MED14: variants seen among roughly 807,000 people sequenced by gnomAD.
MED14 encodes mediator of RNA polymerase II transcription subunit 14.
A neutral mutation model predicts 109.0 loss-of-function variants in MED14; 8 were observed. The ratio of observed to expected loss-of-function variants is 0.07; its 90% CI spans 0.04 to 0.13. The LOEUF (loss-of-function observed/expected upper bound fraction) is 0.13. Ranked by LOEUF, MED14 falls within the 10% of genes least tolerant of loss-of-function variation. The pLI, the probability that MED14 is intolerant of heterozygous loss-of-function variation, is 1.00. For synonymous variants in MED14, 399 were observed against 408.7 expected (o/e 0.98, Z 0.29); for missense variants, 711 against 1,142.4 (o/e 0.62, Z 5.44).
chrX:40,727,815 A>G (rs1485564264), intron 2 of MED14, among the ~76,000 whole-genome samples: 8 of 111,402 alleles, frequency 7.2e-5, no homozygotes, highest in African/African-American at 2.3e-4. Context: ...CATCTTGCCA[A>G]TACCACCACC....
upstream of MED14, chrX:40,735,826 G>C: frequency 6.2e-6 from 2 of 322,197 alleles, no homozygotes; most frequent in Non-Finnish European, 1.2e-5. Flanking sequence ...TAGCACCGCA[G>C]CGCTGGGGGG....
At chrX:40,669,168 G>A (rs1929631469) in intron 23 of MED14, among the ~76,000 whole-genome samples, 1 of 112,207 alleles carries the variant, frequency 8.9e-6, no homozygotes, top group South Asian at 3.6e-4. Flanking sequence ...GATTAAACGG[G>A]TAAAGTGCTT....
intron 21 of MED14, among the ~76,000 whole-genome samples, chrX:40,679,517 A>G (rs1348192356): frequency 1.8e-5 from 2 of 111,862 alleles, no homozygotes; most frequent in African/African-American, 3.3e-5. Flanking sequence ...ATAAATAAAT[A>G]AGCATCACAG....
At chrX:40,671,838 C>G in intron 23 of MED14, 23 bp downstream of exon 23, 2 of 1,064,949 alleles carry the variant, frequency 1.9e-6, no homozygotes, top group African/African-American at 1.8e-5. Flanking sequence ...TTGAACATGA[C>G]AAGAGAATAA....
intron 26 of MED14, 60 bp downstream of exon 26, chrX:40,662,865 G>A (rs1408805776): frequency 3.4e-5 from 30 of 893,683 alleles, no homozygotes; most frequent in Non-Finnish European, 4.3e-5. Context: ...CTATCCTGCA[G>A]GACAATTTAG....
intron 25 of MED14, among the ~76,000 whole-genome samples, chrX:40,664,001 A>G (rs1929386033): frequency 9.0e-6 from 1 of 110,826 alleles, no homozygotes; most frequent in South Asian, 3.9e-4. Context: ...TGGTAGTTTC[A>G]GCCCCACCCC....
intron 25 of MED14, 46 bp downstream of exon 25, chrX:40,664,261 T>A (rs1377158028): frequency 8.8e-7 from 1 of 1,135,762 alleles, no homozygotes. Context: ...GATAGGTCAC[T>A]TTGGGTTATA....
At position 40,649,852 on chromosome X, in the gene MED14, A is replaced by G. The variant is rs368276937; in HGVS notation, c.*1954T>C. On this transcript the variant is annotated 3_prime_UTR_variant, in exon 31 of 31. Coordinates refer to ENST00000324817, the MANE Select transcript of MED14 (RefSeq NM_004229.4). ...AAGCAAATTTTGCGCACTGAATCCT[A>G]TCTTACTCTTGATTGGCACAATGCA... is the stretch of plus-strand genomic sequence containing the variant. 5.1e-6 allele frequency: 4 copies of G among 781,772 alleles called. No homozygotes were observed. In the South Asian group the frequency reaches 1.8e-4, roughly 34 times the overall value. 64.4% of individuals were successfully genotyped at this position (781,772 alleles called of 1,213,427 possible). A position where few individuals can be genotyped will look rare whatever the true frequency, so the allele number is the denominator to read the frequency against.
chrX:40,669,255 T>C (rs893742625), intron 23 of MED14, among the ~76,000 whole-genome samples: 1 of 111,645 alleles, frequency 9.0e-6, no homozygotes, highest in African/African-American at 3.3e-5. Flanking sequence ...ATTTTTCCCT[T>C]CCTACTATAT....
Position 40,651,703 on chromosome X carries a change from A to G in MED14, c.*103T>C. On this transcript the variant is annotated 3_prime_UTR_variant, in exon 31 of 31. Transcript: ENST00000324817. ...GCCAGTTTAGAATATTTAGCTCTTA[A>G]AGTTTAAAAAAAAAGTCCTTTTCCT... The G allele has an allele frequency of 9.3e-7, 1 of 1,078,899 alleles. No homozygotes were observed. The highest frequency in any genetic ancestry group is 1.2e-6 in the Non-Finnish European group (1 of 833,067). The allele number at this position is 1,078,899 out of a possible 1,213,427, so 88.9% of individuals were successfully genotyped here.
chrX:40,718,822 G>C (rs1389777963), intron 3 of MED14, among the ~76,000 whole-genome samples: 1 of 111,557 alleles, frequency 9.0e-6, no homozygotes, highest in Non-Finnish European at 1.9e-5. Context: ...CTGGGTGACA[G>C]AGTGAGACTT....
intron 20 of MED14, 54 bp downstream of exon 20, chrX:40,680,704 C>A: frequency 9.4e-7 from 1 of 1,062,646 alleles, no homozygotes; most frequent in East Asian, 3.1e-5. Flanking sequence ...AGGTGTGAAC[C>A]AGCACGGCTG....
chrX:40,735,343 G>GTCCGCCGCT lies in MED14; in HGVS notation c.61_69dup (p.Ser21_Gly23dup). On this transcript the variant is annotated inframe_insertion, in exon 1 of 31. Coordinates refer to ENST00000324817, the MANE Select transcript of MED14 (RefSeq NM_004229.4). Reference sequence around the variant, plus strand: ...GGAGGAGGGGCTGGGGCTGACGGGGGTCCGCCGCTGCCCCCGCCGCCGCCT... The same window carrying GTCCGCCGCT: ...GGAGGAGGGGCTGGGGCTGACGGGGGTCCGCCGCTTCCGCCGCTGCCCCCGCCGCCGCCT... 9.3e-7 allele frequency: 1 copy of GTCCGCCGCT among 1,076,279 alleles called. No homozygotes were observed. The allele number at this position is 1,076,279 out of a possible 1,213,427, so 88.7% of individuals were successfully genotyped here. A position where few individuals can be genotyped will look rare whatever the true frequency, so the allele number is the denominator to read the frequency against.
rs770951367 is a variant in MED14 at position 40,713,803 on chromosome X, A to C, written c.627T>G (p.Pro209=). ...LRHRLVTTDL[P]PQLANLTVAN... The stretch of plus-strand genomic sequence containing the variant: ...CAACTGTAAGATTTGCTAACTGAGG[A>C]GGAAGATCTGTGGTTACAAGCCGAT... Residue 209 remains proline, a synonymous_variant, in exon 5 of 31, where the codon CCT becomes CCG. Transcript: ENST00000324817. 3 of 1,211,268 alleles carry C rather than the reference A, an allele frequency of 2.5e-6. No homozygotes were observed. Among genetic ancestry groups the C allele is most frequent in the South Asian group, 1.8e-5 (1 of 56,875 alleles).
At chrX:40,674,948 C>T (rs1264619263) in intron 22 of MED14, among the ~76,000 whole-genome samples, 1 of 112,608 alleles carries the variant, frequency 8.9e-6, no homozygotes, top group Non-Finnish European at 1.9e-5. Context: ...TCTCAAAGAT[C>T]TCAGATCCTG....
At chrX:40,662,437 G>A in intron 26 of MED14, among the ~76,000 whole-genome samples, 1 of 110,262 alleles carries the variant, frequency 9.1e-6, no homozygotes, top group Non-Finnish European at 1.9e-5. Flanking sequence ...TGCCTAGGGT[G>A]GTCTGGAACT....
intron 28 of MED14, among the ~76,000 whole-genome samples, chrX:40,657,552 A>G (rs756676121): frequency 9.0e-6 from 1 of 111,707 alleles, no homozygotes; most frequent in Non-Finnish European, 1.9e-5. Context: ...CCCTTGATTT[A>G]GGATTTCTGG....
chrX:40,727,431 T>C (rs7891915), intron 2 of MED14, among the ~76,000 whole-genome samples: 1 of 111,511 alleles, frequency 9.0e-6, no homozygotes, highest in African/African-American at 3.3e-5. Context: ...TTGGATACAT[T>C]AAAAAATATC....
chrX:40,683,895 T>C (rs1930211823), intron 16 of MED14, among the ~76,000 whole-genome samples: 1 of 111,934 alleles, frequency 8.9e-6, no homozygotes, highest in African/African-American at 3.2e-5. Context: ...TACCTACCTA[T>C]CCATTTTCCT....
Sources: gnomAD v4.1 joint callset for allele counts (sites outside exome capture counted in the v4.1 genomes callset) on GRCh38, gnomAD v4.1.1 for gene constraint, MANE v1.5 for transcripts, NCBI Gene and HGNC (gene_info 2026-07-23, HGNC 2026-07-21) for gene names.